The following SLC9A9 variants were observed in gnomAD, a reference collection of about 807,000 sequenced individuals.
The protein encoded by SLC9A9 is sodium/hydrogen exchanger 9.
A neutral mutation model predicts 77.8 loss-of-function variants in SLC9A9; 62 were observed. The ratio of observed to expected loss-of-function variants is 0.80; its 90% CI spans 0.65 to 0.98. SLC9A9 has a LOEUF of 0.98. Ranked by LOEUF, SLC9A9 falls within the 50% of genes least tolerant of loss-of-function variation. SLC9A9 has a pLI of 0.00. For missense variants in SLC9A9, 775 were observed against 774.9 expected (o/e 1.00, Z 0.00); for synonymous variants, 320 against 283.5 (o/e 1.13, Z -1.29).
At chr3:143,724,543 G>A (rs1296835554) in intron 4 of SLC9A9, among the ~76,000 whole-genome samples, 2 of 152,160 alleles carry the variant, frequency 1.3e-5, no homozygotes, top group Non-Finnish European at 2.9e-5. Context: ...AAAGGTGACC[G>A]GCCAACATGG....
intron 12 of SLC9A9, among the ~76,000 whole-genome samples, chr3:143,436,598 C>T (rs1159871825): frequency 6.6e-6 from 1 of 152,206 alleles, no homozygotes; most frequent in Non-Finnish European, 1.5e-5. Context: ...GAAGAAGAAA[C>T]TGTGAAAGTG....
At chr3:143,622,768 T>C (rs576544358) in intron 6 of SLC9A9, among the ~76,000 whole-genome samples, 23 of 152,280 alleles carry the variant, frequency 1.5e-4, no homozygotes, top group Non-Finnish European at 3.2e-4. Flanking sequence ...CATAACAATA[T>C]TAACCTTAAA....
At chr3:143,637,199 T>A (rs536318335) in intron 6 of SLC9A9, among the ~76,000 whole-genome samples, 10 of 152,022 alleles carry the variant, frequency 6.6e-5, no homozygotes, top group African/African-American at 2.4e-4. Context: ...TTCAACGAGA[T>A]CCAAGGGGAA....
intron 9 of SLC9A9, among the ~76,000 whole-genome samples, chr3:143,532,183 C>T (rs911590199): frequency 6.6e-6 from 1 of 152,086 alleles, no homozygotes; most frequent in South Asian, 2.1e-4. Flanking sequence ...CAGTGGTATG[C>T]TGCTAGATGT....
intron 14 of SLC9A9, among the ~76,000 whole-genome samples, chr3:143,319,547 C>T (rs16853411): frequency 0.11 from 16,424 of 152,148 alleles, 2,177 homozygotes; most frequent in African/African-American, 0.31. Flanking sequence ...AGATCTTCCC[C>T]GCGTTTTCAT....
intron 14 of SLC9A9, among the ~76,000 whole-genome samples, chr3:143,324,240 T>G (rs1482500070): frequency 3.9e-5 from 6 of 152,102 alleles, no homozygotes; most frequent in Admixed American, 3.9e-4. Flanking sequence ...GTCATTGCAA[T>G]GTTCCCCAGG....
In SLC9A9 at chr3:143,645,987, C is replaced by T. The variant is rs559188881; in HGVS notation, c.755+6268G>A. Among the ~76,000 whole-genome samples the T allele has an allele frequency of 1.2e-4, 19 of 152,160 alleles. 1 individual carries two copies. The highest frequency in any genetic ancestry group is 3.9e-4 in the African/African-American group (16 of 41,510). ...CAACAATAGCAGTATTTCTGTTTTG[C>T]AGATAAATGGCCCAAAACAGCCAAC... On this transcript the variant is annotated intron_variant, in intron 6 of 15. Coordinates refer to ENST00000316549, the MANE Select transcript of SLC9A9 (RefSeq NM_173653.4).
In SLC9A9 at chr3:143,451,098, C is replaced by T. The variant is rs569614191; in HGVS notation, c.1469+15939G>A. 7.3e-5 allele frequency among the ~76,000 whole-genome samples: 11 copies of T among 151,470 alleles called. No individual in the cohort carries two copies. The East Asian group carries it at 7.8e-4, about 11-fold the overall frequency. ...GATGCTTTTGAATCATCTCCAAACACGGGGCAGCTTCATTACTGGCCAACT... is the reference window on the plus strand; with the variant it reads ...GATGCTTTTGAATCATCTCCAAACATGGGGCAGCTTCATTACTGGCCAACT... On this transcript the variant is annotated intron_variant, in intron 12 of 15. Transcript: ENST00000316549.
At chr3:143,743,245 A>G (rs3936434) in intron 4 of SLC9A9, among the ~76,000 whole-genome samples, 16,991 of 60,180 alleles carry the variant, frequency 0.28, 1,061 homozygotes, top group East Asian at 0.39. Flanking sequence ...ATGGATGGAT[A>G]GATAGATAGA....
chr3:143,271,088 C>T (rs935746216), intron 14 of SLC9A9, among the ~76,000 whole-genome samples: 7 of 148,572 alleles, frequency 4.7e-5, no homozygotes, highest in African/African-American at 1.5e-4. Context: ...GCCCCCTAGT[C>T]ACTTAGTAGC....
chr3:143,351,522 C>G lies in SLC9A9; in HGVS notation c.1604+11962G>C, dbSNP rs1004569700. ...CATCAACTTCTGTTTGTTGGAAGGTCAAGGAGAGGGATTCTTGGTGAATAG... is the reference window on the plus strand; with the variant it reads ...CATCAACTTCTGTTTGTTGGAAGGTGAAGGAGAGGGATTCTTGGTGAATAG... On this transcript the variant is annotated intron_variant, in intron 14 of 15. Coordinates refer to ENST00000316549, the MANE Select transcript of SLC9A9 (RefSeq NM_173653.4). 5.3e-5 allele frequency among the ~76,000 whole-genome samples: 8 copies of G among 152,030 alleles called. No individual in the cohort carries two copies. In the South Asian group the frequency reaches 1.0e-3, roughly 20 times the overall value.
At position 143,803,727 on chromosome 3, in the gene SLC9A9, G is replaced by A. The variant is rs568124689; in HGVS notation, c.379-6824C>T. ...TATCAACCTTACTCACTCTCTCCTA[G>A]CCATTTCTAATCCCTCCTTAGCAAA... is the stretch of plus-strand genomic sequence containing the variant. On this transcript the variant is annotated intron_variant, in intron 2 of 15. Coordinates refer to ENST00000316549, the MANE Select transcript of SLC9A9 (RefSeq NM_173653.4). 7.9e-5 allele frequency among the ~76,000 whole-genome samples: 12 copies of A among 152,112 alleles called. No individual in the cohort carries two copies. The East Asian group carries it at 2.1e-3, about 27-fold the overall frequency.
intron 5 of SLC9A9, among the ~76,000 whole-genome samples, chr3:143,679,152 C>T (rs997547644): frequency 6.6e-6 from 1 of 152,102 alleles, no homozygotes; most frequent in Non-Finnish European, 1.5e-5. Flanking sequence ...CAAACAAAAA[C>T]TGTTTAAGCT....
intron 6 of SLC9A9, among the ~76,000 whole-genome samples, chr3:143,622,685 T>G (rs905121683): frequency 1.3e-5 from 2 of 152,162 alleles, no homozygotes; most frequent in African/African-American, 2.4e-5. Context: ...AGACCATCGA[T>G]GCTAGGAAGA....
chr3:143,726,909 C>A (rs1472340013), intron 4 of SLC9A9, among the ~76,000 whole-genome samples: 1 of 152,140 alleles, frequency 6.6e-6, no homozygotes, highest in Non-Finnish European at 1.5e-5. Flanking sequence ...AGGACTCATT[C>A]CAGTGCCCCT....
intron 12 of SLC9A9, among the ~76,000 whole-genome samples, chr3:143,439,999 T>C (rs1485355220): frequency 6.6e-6 from 1 of 152,220 alleles, no homozygotes. Context: ...TCTGACATTG[T>C]TGGTTTTCCA....
intron 6 of SLC9A9, among the ~76,000 whole-genome samples, chr3:143,639,844 AT>A (rs1470672201): frequency 3.3e-5 from 5 of 152,052 alleles, no homozygotes; most frequent in African/African-American, 4.8e-5. Context: ...CTTTTATCAT[AT>A]GGTGTTTGGG....
intron 4 of SLC9A9, among the ~76,000 whole-genome samples, chr3:143,753,223 G>A (rs2006806362): frequency 6.6e-6 from 1 of 151,992 alleles, no homozygotes; most frequent in Non-Finnish European, 1.5e-5. Flanking sequence ...ATGACCTTTG[G>A]ACAGCTTTTC....
At chr3:143,805,280 C>T (rs187245389) in intron 2 of SLC9A9, among the ~76,000 whole-genome samples, 95 of 152,138 alleles carry the variant, frequency 6.2e-4, no homozygotes, top group African/African-American at 2.2e-3. Flanking sequence ...CCCACAATAT[C>T]ACCCCTTACC....
Sources: gnomAD v4.1 joint callset for allele counts (sites outside exome capture counted in the v4.1 genomes callset) on GRCh38, gnomAD v4.1.1 for gene constraint, MANE v1.5 for transcripts, NCBI Gene and HGNC (gene_info 2026-07-23, HGNC 2026-07-21) for gene names.